Variants in NPEPPS observed in about 807,000 individuals in gnomAD.
The protein encoded by NPEPPS is aminopeptidase puromycin sensitive.
A neutral mutation model predicts 115.5 loss-of-function variants in NPEPPS; 14 were observed. The ratio of observed to expected loss-of-function variants is 0.12; its 90% CI spans 0.08 to 0.19. The LOEUF is 0.19. Among genes scored for constraint, NPEPPS ranks in the 10% least tolerant of loss-of-function variants. NPEPPS has a pLI of 1.00. For missense variants in NPEPPS, 523 were observed against 1,110.8 expected (o/e 0.47, Z 7.52); for synonymous variants, 285 against 390.6 (o/e 0.73, Z 3.19).
intron 19 of NPEPPS, among the ~76,000 whole-genome samples, chr17:47,615,065 C>T (rs1052867050): frequency 3.1e-5 from 4 of 128,792 alleles, no homozygotes; most frequent in African/African-American, 1.2e-4. Context: ...AATAGGTTTA[C>T]TTTCTTTCTT....
intron 2 of NPEPPS, among the ~76,000 whole-genome samples, chr17:47,548,795 T>C (rs1460889887): frequency 6.6e-6 from 1 of 151,680 alleles, no homozygotes; most frequent in African/African-American, 2.4e-5. Flanking sequence ...TAGGCTGGTC[T>C]TGAACTCCTG....
At chr17:47,596,195 A>C in intron 12 of NPEPPS, 158 bp from the exon 13 acceptor site, 2 of 526,448 alleles carry the variant, frequency 3.8e-6, no homozygotes, top group East Asian at 6.5e-5. Context: ...TAGTTGCAGA[A>C]GAGGGGTGGC....
In NPEPPS at chr17:47,531,126, C is replaced by T. The variant is rs1487652445; in HGVS notation, c.-175C>T. 5.6e-6 allele frequency: 5 copies of T among 896,724 alleles called. No individual in the cohort carries two copies. The East Asian group carries it at 1.3e-4, about 24-fold the overall frequency. The allele number at this position is 896,724 out of a possible 1,614,324, so 55.5% of individuals were successfully genotyped here. A position where few individuals can be genotyped will look rare whatever the true frequency, so the allele number is the denominator to read the frequency against. On this transcript the variant is annotated 5_prime_UTR_variant, in exon 1 of 23. Transcript: ENST00000322157. The stretch of plus-strand genomic sequence containing the variant: ...CGCCACCACTTCCCCCTCTCCCTCC[C>T]TCCTTGCGGGCCCTCCTCCCCTTCC...
At position 47,595,385 on chromosome 17, in the gene NPEPPS, G is replaced by A. The variant is rs142501017; in HGVS notation, c.1427-968G>A. Reference sequence around the variant, plus strand: ...CCAGCCTGGATATTTTTAAAGTGAGGTTAATTGAATGGGTATAACGGTCTT... The same window carrying A: ...CCAGCCTGGATATTTTTAAAGTGAGATTAATTGAATGGGTATAACGGTCTT... On this transcript the variant is annotated intron_variant, in intron 12 of 22. Transcript: ENST00000322157. 5.9e-5 allele frequency among the ~76,000 whole-genome samples: 9 copies of A among 152,310 alleles called. No individual in the cohort carries two copies. The East Asian group carries it at 1.7e-3, about 29-fold the overall frequency.
At chr17:47,532,086 A>AG (rs901610779) in intron 1 of NPEPPS, among the ~76,000 whole-genome samples, 29 of 150,786 alleles carry the variant, frequency 1.9e-4, no homozygotes, top group African/African-American at 4.4e-4. Context: ...AGCTTCTAGA[A>AG]GGGGGGGGAG....
intron 1 of NPEPPS, among the ~76,000 whole-genome samples, chr17:47,543,296 G>A (rs1159780111): frequency 2.0e-5 from 3 of 149,600 alleles, no homozygotes; most frequent in African/African-American, 7.4e-5. Context: ...TTAAACCAAT[G>A]GACTATCAGT....
chr17:47,586,291 A>T (rs1912167654), intron 7 of NPEPPS, 47 bp downstream of exon 7: 1 of 1,139,450 alleles, frequency 8.8e-7, no homozygotes. Flanking sequence ...ACTTTTTAAA[A>T]TTTTGTGACT....
intron 19 of NPEPPS, among the ~76,000 whole-genome samples, chr17:47,615,742 C>A (rs1914162901): frequency 6.6e-6 from 1 of 152,066 alleles, no homozygotes; most frequent in Admixed American, 6.6e-5. Context: ...AATTTCATGG[C>A]AGATACATTG....
intron 16 of NPEPPS, among the ~76,000 whole-genome samples, chr17:47,604,465 CA>C (rs1913402178): frequency 1.3e-5 from 2 of 152,158 alleles, no homozygotes; most frequent in African/African-American, 4.8e-5. Context: ...AATTATATCC[CA>C]TTAGCTTTAG....
chr17:47,554,619 C>A (rs1909879473), intron 2 of NPEPPS, among the ~76,000 whole-genome samples: 1 of 151,624 alleles, frequency 6.6e-6, no homozygotes, highest in African/African-American at 2.4e-5. Flanking sequence ...CTCAGCCTCC[C>A]AAAGTGCCAG....
upstream of NPEPPS, among the ~76,000 whole-genome samples, chr17:47,528,343 G>A (rs1055696691): frequency 1.3e-5 from 2 of 151,966 alleles, no homozygotes; most frequent in African/African-American, 4.8e-5. Flanking sequence ...TTATTTCTCT[G>A]ACCAGTAAGT....
chr17:47,619,715 G>T, intron 21 of NPEPPS, 22 bp from the exon 22 acceptor site: 1 of 1,609,520 alleles, frequency 6.2e-7, no homozygotes, highest in Non-Finnish European at 8.5e-7. Context: ...TTCACTTACT[G>T]TTTAAAACCA....
intron 12 of NPEPPS, among the ~76,000 whole-genome samples, chr17:47,593,294 G>A (rs1912629144): frequency 6.6e-6 from 1 of 152,164 alleles, no homozygotes; most frequent in Non-Finnish European, 1.5e-5. Context: ...GGGTGTGGTG[G>A]CTCACGCCTG....
At chr17:47,541,569 G>A (rs1306289401) in intron 1 of NPEPPS, among the ~76,000 whole-genome samples, 2 of 152,080 alleles carry the variant, frequency 1.3e-5, no homozygotes, top group Non-Finnish European at 2.9e-5. Context: ...TAGAGATGGG[G>A]TTTCACCATG....
chr17:47,544,566 A>T (rs1909052442), intron 1 of NPEPPS, among the ~76,000 whole-genome samples: 1 of 149,678 alleles, frequency 6.7e-6, no homozygotes, highest in African/African-American at 2.5e-5. Context: ...ATAGAGTTTC[A>T]CTCTGTTACC....
intron 13 of NPEPPS, among the ~76,000 whole-genome samples, chr17:47,597,040 T>A (rs540798900): frequency 7.5e-6 from 1 of 132,768 alleles, no homozygotes; most frequent in African/African-American, 2.6e-5. Flanking sequence ...AGAGCGAGAC[T>A]TCGTCTCAAA....
chr17:47,562,443 CAG>C (rs1910491656), intron 2 of NPEPPS, among the ~76,000 whole-genome samples: 1 of 152,158 alleles, frequency 6.6e-6, no homozygotes, highest in Non-Finnish European at 1.5e-5. Flanking sequence ...CATTTGGTCA[CAG>C]AAGTCTACTG....
At chr17:47,544,499 A>G (rs1909039823) in intron 1 of NPEPPS, among the ~76,000 whole-genome samples, 1 of 141,576 alleles carries the variant, frequency 7.1e-6, no homozygotes, top group Admixed American at 7.5e-5. Flanking sequence ...TATGAAATTA[A>G]ACGTATTTAT....
chr17:47,611,617 C>T (rs997391416), intron 17 of NPEPPS, among the ~76,000 whole-genome samples: 1 of 152,132 alleles, frequency 6.6e-6, no homozygotes. Context: ...GGCCTACAGA[C>T]ATATGCTACC....
Sources: gnomAD v4.1 joint callset for allele counts (sites outside exome capture counted in the v4.1 genomes callset) on GRCh38, gnomAD v4.1.1 for gene constraint, MANE v1.5 for transcripts, NCBI Gene and HGNC (gene_info 2026-07-23, HGNC 2026-07-21) for gene names.